GPC5: variants seen among roughly 807,000 people sequenced by gnomAD.
GPC5 encodes glypican 5.
In GPC5, 47 loss-of-function variants were observed where a neutral mutation model predicts 53.9. The observed-to-expected ratio is 0.87, with a 90% CI of 0.69 to 1.11. The LOEUF is 1.11. Ranked by LOEUF, GPC5 falls within the 50% of genes most tolerant of loss-of-function variation. The pLI is 0.00. For synonymous variants in GPC5, 286 were observed against 263.3 expected (o/e 1.09, Z -0.84); for missense variants, 748 against 713.1 (o/e 1.05, Z -0.56).
chr13:92,440,739 C>T (rs1037818729), intron 7 of GPC5, among the ~76,000 whole-genome samples: 1 of 152,130 alleles, frequency 6.6e-6, no homozygotes, highest in Non-Finnish European at 1.5e-5. Context: ...CCCTTTTCTC[C>T]ATAACTTTGC....
intron 6 of GPC5, among the ~76,000 whole-genome samples, chr13:92,057,464 G>T (rs1386503072): frequency 6.6e-6 from 1 of 152,146 alleles, no homozygotes; most frequent in South Asian, 2.1e-4. Flanking sequence ...AAGTTCAGGG[G>T]TAACTTGTTA....
At chr13:91,494,790 C>T (rs1884158481) in intron 2 of GPC5, among the ~76,000 whole-genome samples, 1 of 151,988 alleles carries the variant, frequency 6.6e-6, no homozygotes, top group Admixed American at 6.6e-5. Flanking sequence ...TTATTGACTG[C>T]CCTGCCTTAG....
rs776835456 is a variant in GPC5, at chr13:91,653,902, G to A, written c.326-39285G>A. 8.5e-5 allele frequency among the ~76,000 whole-genome samples: 13 copies of A among 152,198 alleles called. No homozygotes were observed. In the East Asian group the frequency reaches 2.5e-3, roughly 29 times the overall value. ...TAAAATCATCATCAATACCAAGATA[G>A]TGAACATATCCATTCAAAAAAAAAT... On this transcript the variant is annotated intron_variant, in intron 2 of 7. Coordinates refer to ENST00000377067, the MANE Select transcript of GPC5 (RefSeq NM_004466.6).
chr13:92,434,723 A>G (rs532563782), intron 7 of GPC5, among the ~76,000 whole-genome samples: 2 of 152,304 alleles, frequency 1.3e-5, no homozygotes, highest in African/African-American at 4.8e-5. Flanking sequence ...GCCCCTTATT[A>G]AGAAATGATA....
At chr13:91,643,446 C>T (rs1257251430) in intron 2 of GPC5, among the ~76,000 whole-genome samples, 2 of 152,122 alleles carry the variant, frequency 1.3e-5, no homozygotes, top group African/African-American at 4.8e-5. Flanking sequence ...AAAATATACA[C>T]CAGACTTTGG....
intron 6 of GPC5, among the ~76,000 whole-genome samples, chr13:92,127,148 C>CGAA (rs1360018396): frequency 6.6e-6 from 1 of 151,588 alleles, no homozygotes; most frequent in African/African-American, 2.4e-5. Context: ...GAGGAAACAG[C>CGAA]GAAAAACCAG....
intron 7 of GPC5, among the ~76,000 whole-genome samples, chr13:92,594,639 C>G (rs911475041): frequency 2.0e-5 from 3 of 152,204 alleles, no homozygotes; most frequent in African/African-American, 7.2e-5. Flanking sequence ...ATTTTTTCTG[C>G]AACCAATGGT....
chr13:91,458,484 A>G (rs1300670100), intron 2 of GPC5, among the ~76,000 whole-genome samples: 1 of 152,194 alleles, frequency 6.6e-6, no homozygotes, highest in Non-Finnish European at 1.5e-5. Context: ...TATACAAATG[A>G]TGAACAAACA....
intron 7 of GPC5, among the ~76,000 whole-genome samples, chr13:92,171,761 T>G (rs1243413290): frequency 6.6e-6 from 1 of 152,194 alleles, no homozygotes; most frequent in Non-Finnish European, 1.5e-5. Flanking sequence ...CATAGGTAAT[T>G]GAGACCTGTA....
At chr13:92,571,790 G>C (rs561463999) in intron 7 of GPC5, among the ~76,000 whole-genome samples, 8 of 152,128 alleles carry the variant, frequency 5.3e-5, no homozygotes, top group Non-Finnish European at 8.8e-5. Context: ...TGTAATCCCA[G>C]CACTTTGGGA....
intron 7 of GPC5, among the ~76,000 whole-genome samples, chr13:92,275,298 T>C (rs1006219967): frequency 2.0e-5 from 3 of 152,120 alleles, no homozygotes; most frequent in Non-Finnish European, 4.4e-5. Flanking sequence ...AAATGCAACA[T>C]GGATCCAGAG....
intron 7 of GPC5, among the ~76,000 whole-genome samples, chr13:92,791,663 C>G (rs1365884250): frequency 6.6e-6 from 1 of 152,028 alleles, no homozygotes; most frequent in Non-Finnish European, 1.5e-5. Flanking sequence ...CAAACATGAT[C>G]TGTGGTTACA....
chr13:92,276,925 G>A (rs1357895209), intron 7 of GPC5, among the ~76,000 whole-genome samples: 1 of 151,586 alleles, frequency 6.6e-6, no homozygotes, highest in Non-Finnish European at 1.5e-5. Context: ...ATCCAGAGGA[G>A]GTATATATTA....
chr13:91,852,791 CTGTGGTATATGTGATCCAT>C (rs1401992953), intron 5 of GPC5, among the ~76,000 whole-genome samples: 6 of 152,116 alleles, frequency 3.9e-5, no homozygotes, highest in Non-Finnish European at 7.4e-5. Context: ...AAGGGACCCA[CTGTGGTATATGTGATCCAT>C]TGTTAGCCAA....
At chr13:92,197,604 C>T (rs2042265969) in intron 7 of GPC5, among the ~76,000 whole-genome samples, 1 of 152,044 alleles carries the variant, frequency 6.6e-6, no homozygotes, top group African/African-American at 2.4e-5. Context: ...CTCAAGAGAT[C>T]CTCCCATCTC....
intron 7 of GPC5, among the ~76,000 whole-genome samples, chr13:92,202,728 A>G (rs2042304095): frequency 6.6e-6 from 1 of 152,184 alleles, no homozygotes; most frequent in Non-Finnish European, 1.5e-5. Flanking sequence ...TGAGAACCTG[A>G]AGGTCACTTG....
chr13:92,386,258 C>A (rs1187508440), intron 7 of GPC5, among the ~76,000 whole-genome samples: 1 of 151,980 alleles, frequency 6.6e-6, no homozygotes, highest in Non-Finnish European at 1.5e-5. Flanking sequence ...ATATGAGCTT[C>A]TGAAATTTTG....
At chr13:92,808,241 GCTT>G (rs1877173033) in intron 7 of GPC5, among the ~76,000 whole-genome samples, 1 of 152,038 alleles carries the variant, frequency 6.6e-6, no homozygotes, top group Admixed American at 6.6e-5. Flanking sequence ...ATTTTGTAAT[GCTT>G]TGAAAGAGAA....
chr13:92,516,594 G>A (rs556196144), intron 7 of GPC5, among the ~76,000 whole-genome samples: 1 of 152,278 alleles, frequency 6.6e-6, no homozygotes, highest in Admixed American at 6.5e-5. Flanking sequence ...GAAAATAGAT[G>A]TTTCTGAGTG....
Sources: gnomAD v4.1 joint callset for allele counts (sites outside exome capture counted in the v4.1 genomes callset) on GRCh38, gnomAD v4.1.1 for gene constraint, MANE v1.5 for transcripts, NCBI Gene and HGNC (gene_info 2026-07-23, HGNC 2026-07-21) for gene names.